The following ADCK1 variants were observed in gnomAD, a reference collection of about 807,000 sequenced individuals.
ADCK1 encodes the protein aarF domain containing kinase 1.
ADCK1 carries 41 observed loss-of-function variants against 52.3 expected under a neutral mutation model. The observed-to-expected ratio is 0.78, with a 90% CI of 0.61 to 1.02. The LOEUF is 1.02. Among genes scored for constraint, ADCK1 ranks in the 50% least tolerant of loss-of-function variants. The pLI is 0.00. For synonymous variants in ADCK1, 250 were observed against 274.6 expected (o/e 0.91, Z 0.89); for missense variants, 658 against 679.5 (o/e 0.97, Z 0.35).
At chr14:77,801,809 G>A (rs369286223) in intron 1 of ADCK1, among the ~76,000 whole-genome samples, 1 of 152,162 alleles carries the variant, frequency 6.6e-6, no homozygotes, top group African/African-American at 2.4e-5. Context: ...GGGCGTAGTG[G>A]TGTGTGCCTG....
intron 5 of ADCK1, among the ~76,000 whole-genome samples, chr14:77,892,861 T>G (rs991691825): frequency 6.6e-6 from 1 of 152,104 alleles, no homozygotes; most frequent in Non-Finnish European, 1.5e-5. Flanking sequence ...GGCTGTTGGT[T>G]TGGCCTCCAA....
In ADCK1 at chr14:77,852,671, A is replaced by ATATATTTATATATATATAT. The variant is rs1566667220; in HGVS notation, c.220-6400_220-6399insTTATATATATATATTATAT. On this transcript the variant is annotated intron_variant, in intron 3 of 10. Transcript: ENST00000238561. ...TCTTTAAATAAATAAATATATATAT[A>ATATATTTATATATATATAT]TATATATATATATATATATATATAT... Among the ~76,000 whole-genome samples, 5 of 10,804 alleles carry ATATATTTATATATATATAT rather than the reference A, an allele frequency of 4.6e-4. No individual in the cohort carries two copies. In the East Asian group the frequency reaches 0.018, roughly 39 times the overall value. 7.1% of individuals were successfully genotyped at this position (10,804 alleles called of 152,430 possible). A position where few individuals can be genotyped will look rare whatever the true frequency, so the allele number is the denominator to read the frequency against.
At chr14:77,861,420 G>C (rs1208373830) in intron 4 of ADCK1, among the ~76,000 whole-genome samples, 1 of 151,978 alleles carries the variant, frequency 6.6e-6, no homozygotes, top group Non-Finnish European at 1.5e-5. Flanking sequence ...GGGGGTGTGA[G>C]GGCGGGGTAA....
intron 5 of ADCK1, 142 bp downstream of exon 5, chr14:77,887,391 C>G: frequency 1.0e-6 from 1 of 973,390 alleles, no homozygotes; most frequent in Non-Finnish European, 1.4e-6. Flanking sequence ...GAGATTACGA[C>G]AGAGGAGGTG....
intron 3 of ADCK1, among the ~76,000 whole-genome samples, chr14:77,834,947 A>G (rs1445991826): frequency 6.6e-6 from 1 of 152,048 alleles, no homozygotes. Flanking sequence ...TCCCAGACCA[A>G]CCCAGGCTGG....
At chr14:77,869,831 G>A (rs2082738219) in intron 4 of ADCK1, among the ~76,000 whole-genome samples, 1 of 152,142 alleles carries the variant, frequency 6.6e-6, no homozygotes, top group South Asian at 2.1e-4. Context: ...GCCATTGACA[G>A]CTTTTAGCCT....
At chr14:77,818,079 A>G (rs1026315602) in intron 1 of ADCK1, among the ~76,000 whole-genome samples, 1 of 152,034 alleles carries the variant, frequency 6.6e-6, no homozygotes, top group African/African-American at 2.4e-5. Flanking sequence ...TGTTTTGAAA[A>G]TCAACCATAC....
Position 77,925,758 on chromosome 14 carries a change from C to T in ADCK1, c.1009-6C>T, listed in dbSNP as rs778024699. ...TTAGGTCCCACCGCTGCCGCCTCCACCCTAGATGCTCACGGAAGAATTCCG... is the reference window on the plus strand; with the variant it reads ...TTAGGTCCCACCGCTGCCGCCTCCATCCTAGATGCTCACGGAAGAATTCCG... On this transcript the variant is annotated splice_polypyrimidine_tract_variant and splice_region_variant and intron_variant, in intron 8 of 10. Transcript: ENST00000238561. The T allele has an allele frequency of 1.9e-6, 3 of 1,613,970 alleles. No individual in the cohort carries two copies. The highest frequency in any genetic ancestry group is 1.6e-4 in the Middle Eastern group (1 of 6,062).
At chr14:77,901,094 G>T (rs1459681046) in intron 6 of ADCK1, among the ~76,000 whole-genome samples, 1 of 151,048 alleles carries the variant, frequency 6.6e-6, no homozygotes. Context: ...GCCCAGACTG[G>T]AGTGCAGTGG....
intron 1 of ADCK1, among the ~76,000 whole-genome samples, chr14:77,805,252 C>CTTTT (rs777184096): frequency 1.9e-4 from 12 of 62,312 alleles, no homozygotes; most frequent in South Asian, 6.9e-4. Flanking sequence ...GCTTTGCATT[C>CTTTT]TTTTTTTTTT....
At chr14:77,899,662 GTTC>G (rs1566716383) in intron 6 of ADCK1, among the ~76,000 whole-genome samples, 1 of 152,146 alleles carries the variant, frequency 6.6e-6, no homozygotes, top group Non-Finnish European at 1.5e-5. Context: ...CATACAGTTG[GTTC>G]TTCTGTAACA....
Position 77,887,217 on chromosome 14 carries a change from G to A in ADCK1, c.550G>A (p.Ala184Thr). ...GAAGGTCCAGCACCCAAAGGTGCGG[G>A]CTCAGAGCTCGAAGGACATTCTCCT... Reference protein sequence around the residue: ...AVKVQHPKVRAQSSKDILLME... With the variant: ...AVKVQHPKVRTQSSKDILLME... The change falls in exon 5 of 11, where the codon GCT (alanine) becomes ACT (threonine). Residue 184 changes from alanine (A) to threonine (T), a missense_variant. Transcript: ENST00000238561. 2.5e-6 allele frequency: 4 copies of A among 1,601,264 alleles called. No individual in the cohort carries two copies. Among genetic ancestry groups the A allele is most frequent in the Admixed American group, 1.7e-5 (1 of 58,616 alleles).
chr14:77,911,221 G>A (rs1032471426), intron 7 of ADCK1, among the ~76,000 whole-genome samples: 6 of 152,200 alleles, frequency 3.9e-5, no homozygotes, highest in African/African-American at 1.4e-4. Context: ...GTATCACACA[G>A]CTAGCAGGGG....
chr14:77,918,862 A>T (rs776581546), intron 7 of ADCK1, among the ~76,000 whole-genome samples: 1 of 152,202 alleles, frequency 6.6e-6, no homozygotes, highest in Non-Finnish European at 1.5e-5. Context: ...TCCAGTAGAG[A>T]TGCAAATAAT....
intron 3 of ADCK1, among the ~76,000 whole-genome samples, chr14:77,856,085 C>G (rs978058948): frequency 5.9e-5 from 9 of 152,062 alleles, no homozygotes; most frequent in Non-Finnish European, 1.5e-5. Flanking sequence ...TCGCGGGCCC[C>G]TGTAATCCCA....
Position 77,899,357 on chromosome 14 carries a change from G to C in ADCK1, c.741+99G>C, listed in dbSNP as rs899741150. On this transcript the variant is annotated intron_variant, in intron 6 of 10. Coordinates refer to ENST00000238561, the MANE Select transcript of ADCK1 (RefSeq NM_020421.4). Reference sequence around the variant, plus strand: ...AGCATCCCTTTCAGGACATAATTGGGACATCTTCTTCCTGAGTCCTCTTAC... The same window carrying C: ...AGCATCCCTTTCAGGACATAATTGGCACATCTTCTTCCTGAGTCCTCTTAC... 3.4e-6 allele frequency: 5 copies of C among 1,475,712 alleles called. No homozygotes were observed. In the African/African-American group the frequency reaches 7.0e-5, roughly 21 times the overall value. The allele number at this position is 1,475,712 out of a possible 1,614,324, so 91.4% of individuals were successfully genotyped here.
chr14:77,898,678 G>A lies in ADCK1; in HGVS notation c.583-422G>A, dbSNP rs554359519. 2.9e-4 allele frequency among the ~76,000 whole-genome samples: 44 copies of A among 152,278 alleles called. 2 individuals carry two copies. In the South Asian group the frequency reaches 8.7e-3, roughly 30 times the overall value. On this transcript the variant is annotated intron_variant, in intron 5 of 10. Transcript: ENST00000238561. ...GGGTGGGGGAGAGCATTAGGAAAAA[G>A]AGCTAATGCATGCCAGGCTTAATAC...
chr14:77,827,769 C>G (rs985816011), intron 3 of ADCK1: 1 of 375,160 alleles, frequency 2.7e-6, no homozygotes, highest in Non-Finnish European at 5.1e-6. Context: ...GAGCCAGGTC[C>G]CCTGGCACCT....
At chr14:77,849,493 G>A (rs991083079) in intron 3 of ADCK1, among the ~76,000 whole-genome samples, 2 of 152,116 alleles carry the variant, frequency 1.3e-5, no homozygotes, top group Non-Finnish European at 2.9e-5. Flanking sequence ...TGAGGCTGGA[G>A]TGCAGTGACA....
Sources: gnomAD v4.1 joint callset for allele counts (sites outside exome capture counted in the v4.1 genomes callset) on GRCh38, gnomAD v4.1.1 for gene constraint, MANE v1.5 for transcripts, NCBI Gene and HGNC (gene_info 2026-07-23, HGNC 2026-07-21) for gene names.